The following MACROD2 variants were observed in gnomAD, a reference collection of about 807,000 sequenced individuals.
MACROD2 encodes ADP-ribose glycohydrolase MACROD2.
Under a neutral mutation model 70.4 loss-of-function variants are expected in MACROD2, and 36 were observed. The ratio of observed to expected loss-of-function variants is 0.51; its 90% CI spans 0.39 to 0.68. The LOEUF (loss-of-function observed/expected upper bound fraction) is 0.68. MACROD2 is among the 30% of genes least tolerant of loss of function. The pLI, the probability that MACROD2 is intolerant of heterozygous loss-of-function variation, is 0.00. For synonymous variants in MACROD2, 172 were observed against 178.8 expected, an observed-to-expected ratio of 0.96 and a Z score of 0.30; for missense variants, 496 against 538.4, an observed-to-expected ratio of 0.92 and a Z score of 0.78.
intron 6 of MACROD2, among the ~76,000 whole-genome samples, chr20:15,306,060 T>C (rs117800313): frequency 7.9e-5 from 12 of 152,342 alleles, no homozygotes; most frequent in Non-Finnish European, 1.8e-4. Context: ...AGTATTTAGC[T>C]AGTTTCCTGC....
chr20:15,806,593 TG>T (rs2063771698), intron 8 of MACROD2, among the ~76,000 whole-genome samples: 1 of 152,180 alleles, frequency 6.6e-6, no homozygotes. Context: ...CTGGACCTTA[TG>T]TTTTTTTTTC....
At chr20:15,858,411 A>G (rs566126205) in intron 8 of MACROD2, among the ~76,000 whole-genome samples, 31 of 152,212 alleles carry the variant, frequency 2.0e-4, no homozygotes, top group Non-Finnish European at 4.3e-4. Flanking sequence ...CAGATTTCCA[A>G]TCTCTCAGCC....
Position 15,637,738 on chromosome 20 carries a change from G to A in MACROD2, c.645+137891G>A, listed in dbSNP as rs188407070. Among the ~76,000 whole-genome samples, 199 of 152,298 alleles carry A rather than the reference G, an allele frequency of 1.3e-3. No individual in the cohort carries two copies. In the Middle Eastern group the frequency reaches 0.024, roughly 18 times the overall value. On this transcript the variant is annotated intron_variant, in intron 8 of 17. Transcript: ENST00000684519. The stretch of plus-strand genomic sequence containing the variant: ...ATGGATAATGAAGGACTGGGGAGCC[G>A]CGGTTGTGGGCTGATACCATGGCAA...
intron 6 of MACROD2, among the ~76,000 whole-genome samples, chr20:15,344,405 G>A (rs1026451332): frequency 6.6e-6 from 1 of 152,140 alleles, no homozygotes; most frequent in African/African-American, 2.4e-5. Flanking sequence ...GGTAGGGCCA[G>A]AAAAAGCTCT....
intron 6 of MACROD2, among the ~76,000 whole-genome samples, chr20:15,350,390 G>A (rs1314212068): frequency 6.6e-6 from 1 of 152,160 alleles, no homozygotes; most frequent in Non-Finnish European, 1.5e-5. Context: ...AATTGCCGAT[G>A]CACTTCCATA....
At chr20:15,117,332 C>T (rs2075998344) in intron 5 of MACROD2, among the ~76,000 whole-genome samples, 1 of 152,080 alleles carries the variant, frequency 6.6e-6, no homozygotes, top group African/African-American at 2.4e-5. Context: ...ATTAGAAAAA[C>T]ATAATTGAGA....
intron 6 of MACROD2, among the ~76,000 whole-genome samples, chr20:15,374,431 T>C (rs2045534841): frequency 6.6e-6 from 1 of 152,136 alleles, no homozygotes; most frequent in South Asian, 2.1e-4. Context: ...AATTCTCTTT[T>C]CTATTTTTCA....
chr20:15,916,302 C>T (rs1386377856), intron 10 of MACROD2, among the ~76,000 whole-genome samples: 1 of 152,192 alleles, frequency 6.6e-6, no homozygotes, highest in Non-Finnish European at 1.5e-5. Flanking sequence ...CATGAGATGG[C>T]AGCTGGCTTC....
intron 5 of MACROD2, among the ~76,000 whole-genome samples, chr20:14,974,188 C>T (rs957011569): frequency 5.3e-5 from 8 of 152,144 alleles, no homozygotes; most frequent in African/African-American, 1.2e-4. Flanking sequence ...TTGGATGTAG[C>T]GGATAGCGGA....
chr20:14,714,563 A>C lies in MACROD2; in HGVS notation c.418+29604A>C, dbSNP rs141168979. Among the ~76,000 whole-genome samples, 16 of 152,292 alleles carry C rather than the reference A, an allele frequency of 1.1e-4. 1 individual carries two copies. The highest frequency in any genetic ancestry group is 1.6e-4 in the Non-Finnish European group (11 of 68,022). ...TGGCCTCTGCCTTCTCTTCGGTCTC[A>C]TCCTTCACCCTGCTCACTCTTGTTT... On this transcript the variant is annotated intron_variant, in intron 5 of 17. Coordinates refer to ENST00000684519, the MANE Select transcript of MACROD2 (RefSeq NM_001351661.2).
chr20:15,396,362 T>C (rs2045860225), intron 6 of MACROD2, among the ~76,000 whole-genome samples: 1 of 152,168 alleles, frequency 6.6e-6, no homozygotes, highest in South Asian at 2.1e-4. Context: ...AAACCATAGC[T>C]AAGAGGGGCT....
chr20:15,177,742 C>CT (rs562856220), intron 5 of MACROD2, among the ~76,000 whole-genome samples: 32 of 151,836 alleles, frequency 2.1e-4, no homozygotes, highest in Middle Eastern at 3.4e-3. Context: ...CACAAGAAAA[C>CT]TTTTTTTTTC....
At chr20:14,151,058 A>G (rs1426805019) in intron 3 of MACROD2, among the ~76,000 whole-genome samples, 7 of 152,240 alleles carry the variant, frequency 4.6e-5, no homozygotes, top group African/African-American at 1.2e-4. Flanking sequence ...CAGAAGAAGT[A>G]ATGTGCTAGT....
intron 5 of MACROD2, among the ~76,000 whole-genome samples, chr20:14,985,014 C>A (rs144019731): frequency 7.3e-4 from 111 of 152,246 alleles, no homozygotes; most frequent in African/African-American, 2.4e-3. Flanking sequence ...ACAGTGTGAC[C>A]TTACGTACTT....
intron 6 of MACROD2, among the ~76,000 whole-genome samples, chr20:15,276,080 T>G (rs1054295316): frequency 6.6e-6 from 1 of 152,166 alleles, no homozygotes; most frequent in African/African-American, 2.4e-5. Context: ...GAATATCATA[T>G]ATGTGACGTA....
intron 8 of MACROD2, among the ~76,000 whole-genome samples, chr20:15,720,820 T>A (rs2050777631): frequency 6.6e-6 from 1 of 152,176 alleles, no homozygotes; most frequent in Admixed American, 6.5e-5. Context: ...AGCCATGGCT[T>A]CTGTTTTAGC....
intron 13 of MACROD2, among the ~76,000 whole-genome samples, chr20:15,982,896 A>G (rs997649688): frequency 2.1e-5 from 3 of 145,050 alleles, no homozygotes; most frequent in African/African-American, 8.2e-5. Context: ...GGGCGCTTGG[A>G]CGTGGGGGCC....
intron 5 of MACROD2, among the ~76,000 whole-genome samples, chr20:15,198,633 A>G (rs1386378248): frequency 6.6e-6 from 1 of 152,162 alleles, no homozygotes; most frequent in African/African-American, 2.4e-5. Context: ...TAATGGTATA[A>G]TATTCCTTTG....
At chr20:15,429,000 A>G (rs2046333633) in intron 6 of MACROD2, among the ~76,000 whole-genome samples, 1 of 152,204 alleles carries the variant, frequency 6.6e-6, no homozygotes, top group Admixed American at 6.5e-5. Flanking sequence ...CTTTTATCCT[A>G]CTTAAAAGGT....
Sources: gnomAD v4.1 joint callset for allele counts (sites outside exome capture counted in the v4.1 genomes callset) on GRCh38, gnomAD v4.1.1 for gene constraint, MANE v1.5 for transcripts, NCBI Gene and HGNC (gene_info 2026-07-23, HGNC 2026-07-21) for gene names.